PRELID2: variants seen among roughly 807,000 people sequenced by gnomAD.
PRELID2 encodes the protein PRELI domain-containing protein 2.
In PRELID2, 25 loss-of-function variants were observed where a neutral mutation model predicts 28.4. The observed-to-expected ratio is 0.88, with a 90% CI of 0.64 to 1.23. The LOEUF (loss-of-function observed/expected upper bound fraction) is 1.23, where lower values mean the gene tolerates loss of function less well. Ranked by LOEUF, PRELID2 falls within the 50% of genes most tolerant of loss-of-function variation. The pLI is 0.00. For missense variants in PRELID2, 201 were observed against 214.4 expected (o/e 0.94, Z 0.39); for synonymous variants, 76 against 71.6 (o/e 1.06, Z -0.31).
At chr5:145,477,277 A>G (rs1284208552) in intron 1 of PRELID2, among the ~76,000 whole-genome samples, 1 of 152,162 alleles carries the variant, frequency 6.6e-6, no homozygotes, top group Non-Finnish European at 1.5e-5. Context: ...TGCTTCTCCC[A>G]TCTCACTGCT....
intron 1 of PRELID2, among the ~76,000 whole-genome samples, chr5:145,519,387 T>A (rs1184143080): frequency 2.6e-5 from 4 of 152,136 alleles, no homozygotes; most frequent in Non-Finnish European, 5.9e-5. Context: ...ATAGAGAAAA[T>A]TGCTTAAAAT....
the PRELID2 span, among the ~76,000 whole-genome samples, chr5:145,275,855 T>C: frequency 6.6e-6 from 1 of 152,148 alleles, no homozygotes; most frequent in Non-Finnish European, 1.5e-5. Flanking sequence ...GGTGAGTTAC[T>C]TAATCTCTCT....
chr5:145,347,448 C>T, the PRELID2 span, among the ~76,000 whole-genome samples: 3 of 152,102 alleles, frequency 2.0e-5, no homozygotes, highest in Non-Finnish European at 4.4e-5. Flanking sequence ...TTGAAAATTG[C>T]TGTTTCCTCA....
Position 145,790,721 on chromosome 5 carries a change from G to GTGTGTGTA in PRELID2, c.474+5720_474+5721insTACACACA, listed in dbSNP as rs772901344. Among the ~76,000 whole-genome samples the GTGTGTGTA allele has an allele frequency of 8.8e-3, 974 of 110,882 alleles. 10 individuals are homozygous for GTGTGTGTA. Among genetic ancestry groups the GTGTGTGTA allele is most frequent in the Non-Finnish European group, 0.011 (572 of 53,246 alleles). The allele number at this position is 110,882 out of a possible 152,430, so 72.7% of individuals were successfully genotyped here. ...CCACATTGTGTGTGTGTGTGTGTGT[G>GTGTGTGTA]TATATATATATATATATATATATAT... On this transcript the variant is annotated intron_variant, in intron 5 of 6. Coordinates refer to ENST00000683046, the MANE Select transcript of PRELID2 (RefSeq NM_205846.3).
intron 1 of PRELID2, among the ~76,000 whole-genome samples, chr5:145,504,407 T>C (rs1372866993): frequency 3.3e-5 from 5 of 152,200 alleles, no homozygotes; most frequent in Non-Finnish European, 1.5e-5. Context: ...ACAAAGCACA[T>C]AGTATTTTCA....
the PRELID2 span, among the ~76,000 whole-genome samples, chr5:145,329,191 G>A: frequency 7.2e-5 from 11 of 152,052 alleles, no homozygotes; most frequent in East Asian, 1.9e-4. Context: ...TTGTAGTATC[G>A]TTTGAGGTCA....
At chr5:145,702,606 C>T (rs1341158798) in intron 1 of PRELID2, among the ~76,000 whole-genome samples, 1 of 152,198 alleles carries the variant, frequency 6.6e-6, no homozygotes, top group Non-Finnish European at 1.5e-5. Flanking sequence ...AATTCAATGA[C>T]ATTCGGGTCT....
chr5:145,393,829 T>G, the PRELID2 span, among the ~76,000 whole-genome samples: 1 of 152,230 alleles, frequency 6.6e-6, no homozygotes, highest in South Asian at 2.1e-4. Context: ...AAGTCTGTCT[T>G]GGGGAGACTG....
the PRELID2 span, among the ~76,000 whole-genome samples, chr5:145,362,296 A>C: frequency 6.6e-6 from 1 of 152,294 alleles, no homozygotes; most frequent in African/African-American, 2.4e-5. Flanking sequence ...GATTCTCTTC[A>C]GTGTCCTCAT....
chr5:145,392,097 T>C, the PRELID2 span, among the ~76,000 whole-genome samples: 1 of 152,172 alleles, frequency 6.6e-6, no homozygotes, highest in Admixed American at 6.5e-5. Context: ...TTCCACATTT[T>C]CAGGTATCTT....
intron 2 of PRELID2, among the ~76,000 whole-genome samples, chr5:145,472,623 C>T (rs1473633566): frequency 6.6e-6 from 1 of 152,150 alleles, no homozygotes. Flanking sequence ...AGGGTCACAG[C>T]AGAAAATTGT....
rs1406529019 is a variant in PRELID2 at position 145,759,667 on chromosome 5, G to A, written c.*869C>T. On this transcript the variant is annotated 3_prime_UTR_variant, in exon 7 of 7. Coordinates refer to ENST00000683046, the MANE Select transcript of PRELID2 (RefSeq NM_205846.3). Reference sequence around the variant, plus strand: ...GTTCATGATCACTGAGCAAGTAGGTGCCAGCACTTGGATTCAAACCCAGGT... The same window carrying A: ...GTTCATGATCACTGAGCAAGTAGGTACCAGCACTTGGATTCAAACCCAGGT... 6.6e-6 allele frequency: 1 copy of A among 152,194 alleles called. No homozygotes were observed. Among genetic ancestry groups the A allele is most frequent in the Non-Finnish European group, 1.5e-5 (1 of 68,038 alleles). 9.4% of individuals were successfully genotyped at this position (152,194 alleles called of 1,614,324 possible).
intron 1 of PRELID2, among the ~76,000 whole-genome samples, chr5:145,679,555 C>T (rs953326637): frequency 1.3e-5 from 2 of 152,000 alleles, no homozygotes; most frequent in African/African-American, 2.4e-5. Flanking sequence ...TTCCAAGGGG[C>T]GGAAATCTTA....
intron 1 of PRELID2, among the ~76,000 whole-genome samples, chr5:145,516,474 A>G (rs1194345236): frequency 3.3e-5 from 5 of 152,226 alleles, no homozygotes; most frequent in Non-Finnish European, 7.3e-5. Flanking sequence ...ACCACTGCTC[A>G]AGGTAATAAG....
At chr5:145,430,692 A>C in the PRELID2 span, among the ~76,000 whole-genome samples, 4 of 152,090 alleles carry the variant, frequency 2.6e-5, no homozygotes, top group African/African-American at 4.8e-5. Flanking sequence ...CTTATACCGA[A>C]TGTGGTATAT....
At chr5:145,583,649 G>A (rs974612434) in intron 1 of PRELID2, among the ~76,000 whole-genome samples, 31 of 151,928 alleles carry the variant, frequency 2.0e-4, no homozygotes, top group African/African-American at 7.5e-4. Context: ...ACTAGCAACA[G>A]GCAAGCAGAG....
intron 1 of PRELID2, among the ~76,000 whole-genome samples, chr5:145,667,656 T>C (rs886799519): frequency 6.6e-5 from 10 of 152,030 alleles, no homozygotes; most frequent in African/African-American, 2.4e-4. Flanking sequence ...GGCTTGGGAG[T>C]AAGACAGGTC....
At chr5:145,423,248 C>T in the PRELID2 span, among the ~76,000 whole-genome samples, 54 of 147,128 alleles carry the variant, frequency 3.7e-4, no homozygotes, top group Non-Finnish European at 5.9e-4. Context: ...ATCTTTGTGG[C>T]GTTCTCTGTA....
Position 145,678,746 on chromosome 5 carries a change from A to G in PRELID2, n.70+86185T>C, listed in dbSNP as rs78808860. On this transcript the variant is annotated intron_variant and non_coding_transcript_variant, in intron 1 of 2. Coordinates refer to the PRELID2 transcript ENST00000510259. ...CTTGGGAAACCTTACACCGAGCCTT[A>G]ATGTCCTATCTGCAAACTGGGGGGT... Among the ~76,000 whole-genome samples, 878 of 152,278 alleles carry G rather than the reference A, an allele frequency of 5.8e-3. 5 individuals carry two copies. Among genetic ancestry groups the G allele is most frequent in the African/African-American group, 0.02 (849 of 41,554 alleles).
Sources: allele counts gnomAD v4.1 joint callset (sites outside exome capture counted in the v4.1 genomes callset), GRCh38; gene constraint gnomAD v4.1.1; transcripts MANE v1.5; gene names NCBI Gene and HGNC (gene_info 2026-07-23, HGNC 2026-07-21).